RFX3: variants seen among roughly 807,000 people sequenced by gnomAD.
RFX3 encodes regulatory factor X3.
RFX3 carries 14 observed loss-of-function variants against 98.6 expected under a neutral mutation model. That is an observed-to-expected ratio of 0.14 (90% CI 0.09 to 0.22). The LOEUF (loss-of-function observed/expected upper bound fraction) is 0.22. Ranked by LOEUF, RFX3 falls within the 10% of genes least tolerant of loss-of-function variation. The pLI is 1.00. For synonymous variants in RFX3, 383 were observed against 328.4 expected, an observed-to-expected ratio of 1.17 and a Z score of -1.80; for missense variants, 639 against 926.9, an observed-to-expected ratio of 0.69 and a Z score of 4.03.
At chr9:3,483,770 G>A (rs1342728009) in intron 1 of RFX3, among the ~76,000 whole-genome samples, 1 of 152,104 alleles carries the variant, frequency 6.6e-6, no homozygotes, top group Non-Finnish European at 1.5e-5. Context: ...ACGGTTTCTG[G>A]GGTAAACTGC....
At chr9:3,268,969 C>T (rs1456492671) in intron 11 of RFX3, among the ~76,000 whole-genome samples, 1 of 151,910 alleles carries the variant, frequency 6.6e-6, no homozygotes, top group East Asian at 1.9e-4. Flanking sequence ...TTCTTATAAA[C>T]ATCTCTAGAG....
chr9:3,426,847 G>A (rs1844086244), intron 1 of RFX3, among the ~76,000 whole-genome samples: 1 of 152,086 alleles, frequency 6.6e-6, no homozygotes, highest in Non-Finnish European at 1.5e-5. Flanking sequence ...ATATTACAAT[G>A]TAATAATCAT....
At chr9:3,448,252 T>C (rs775409894) in intron 1 of RFX3, among the ~76,000 whole-genome samples, 4 of 152,180 alleles carry the variant, frequency 2.6e-5, no homozygotes, top group Non-Finnish European at 5.9e-5. Flanking sequence ...ACAATCCTTT[T>C]GCCAGAGTCT....
chr9:3,509,756 A>C (rs115118534), intron 1 of RFX3, among the ~76,000 whole-genome samples: 4,142 of 152,058 alleles, frequency 0.027, 205 homozygotes, highest in African/African-American at 0.094. Context: ...ATAGATAAAC[A>C]GTTACTTAAA....
At chr9:3,399,301 G>A (rs1023079155) in intron 1 of RFX3, among the ~76,000 whole-genome samples, 2 of 150,720 alleles carry the variant, frequency 1.3e-5, no homozygotes, top group Admixed American at 1.3e-4. Flanking sequence ...AAAATCAGCT[G>A]GTCATGGTGG....
chr9:3,425,595 G>C (rs1201854306), intron 1 of RFX3, among the ~76,000 whole-genome samples: 1 of 152,154 alleles, frequency 6.6e-6, no homozygotes, highest in African/African-American at 2.4e-5. Context: ...ATAACGATTA[G>C]ATATTTCAGC....
At chr9:3,507,629 C>T (rs1817231632) in intron 1 of RFX3, among the ~76,000 whole-genome samples, 1 of 151,822 alleles carries the variant, frequency 6.6e-6, no homozygotes, top group South Asian at 2.1e-4. Flanking sequence ...GGACCTCCAT[C>T]TTAAAAAAGG....
chr9:3,328,049 A>G (rs1319985166), intron 4 of RFX3, among the ~76,000 whole-genome samples: 1 of 152,162 alleles, frequency 6.6e-6, no homozygotes, highest in Non-Finnish European at 1.5e-5. Context: ...TATCAGAATC[A>G]GCATGAAGGC....
chr9:3,498,135 C>G (rs1371384280), intron 1 of RFX3, among the ~76,000 whole-genome samples: 1 of 151,960 alleles, frequency 6.6e-6, no homozygotes, highest in East Asian at 1.9e-4. Context: ...ATCTCCTTTT[C>G]ACGTCTACAT....
chr9:3,355,550 C>G (rs1174651913), intron 2 of RFX3, among the ~76,000 whole-genome samples: 2 of 151,680 alleles, frequency 1.3e-5, no homozygotes, highest in Non-Finnish European at 3.0e-5. Context: ...AGACATGAAG[C>G]AAAAACTGAT....
chr9:3,468,613 G>A (rs1848514196), intron 1 of RFX3, among the ~76,000 whole-genome samples: 1 of 152,024 alleles, frequency 6.6e-6, no homozygotes, highest in African/African-American at 2.4e-5. Flanking sequence ...TTAAGGAACT[G>A]CAGGAGTTAA....
At chr9:3,346,847 T>C (rs1834489164) in intron 2 of RFX3, 83 bp from the exon 3 acceptor site, 2 of 810,766 alleles carry the variant, frequency 2.5e-6, no homozygotes, top group African/African-American at 3.4e-5. Context: ...CAAAGGTTTA[T>C]CCGGTATTAT....
At chr9:3,251,348 ATTAT>A (rs1243276076) in intron 14 of RFX3, among the ~76,000 whole-genome samples, 1 of 151,952 alleles carries the variant, frequency 6.6e-6, no homozygotes, top group Non-Finnish European at 1.5e-5. Context: ...TAAAAAATTA[ATTAT>A]TTTTTTTTTT....
intron 1 of RFX3, among the ~76,000 whole-genome samples, chr9:3,498,906 C>T (rs1020405326): frequency 3.9e-5 from 6 of 152,028 alleles, no homozygotes; most frequent in East Asian, 3.9e-4. Flanking sequence ...ATAAGGAGTA[C>T]TAATAAACCT....
In RFX3 at chr9:3,225,164, G is replaced by A; in HGVS notation, c.2128C>T (p.Pro710Ser). The change falls in exon 17 of 17, where the codon CCT (proline) becomes TCT (serine). Residue 710 changes from proline to serine, a missense_variant. Physicochemically the swap from Pro to Ser is moderately conservative, Grantham distance 74. This residue lies in a region of RFX3 where 129 missense variants were observed against 124.6 expected (regional missense o/e 1.04). Transcript: ENST00000617270. Reference protein sequence around the residue: ...SQAFPVGCMQPVLETGVQPSL... With the variant: ...SQAFPVGCMQSVLETGVQPSL... ...GGTTGCACGCCAGTCTCGAGAACAG[G>A]CTGCATGCAGCCCACTGGAAATGCC... is the stretch of plus-strand genomic sequence containing the variant. 3 of 1,613,914 alleles carry A rather than the reference G, an allele frequency of 1.9e-6. No homozygotes were observed. Among genetic ancestry groups the A allele is most frequent in the Non-Finnish European group, 2.5e-6 (3 of 1,179,934 alleles).
At chr9:3,408,282 G>A (rs1842138197) in intron 1 of RFX3, among the ~76,000 whole-genome samples, 1 of 152,120 alleles carries the variant, frequency 6.6e-6, no homozygotes, top group Non-Finnish European at 1.5e-5. Flanking sequence ...AGGCTGTATA[G>A]GCCAAAGACA....
intron 5 of RFX3, among the ~76,000 whole-genome samples, chr9:3,300,511 A>T (rs1828523515): frequency 6.6e-6 from 1 of 151,860 alleles, no homozygotes; most frequent in South Asian, 2.1e-4. Flanking sequence ...AAACACAGTT[A>T]AAACATTTTC....
intron 2 of RFX3, among the ~76,000 whole-genome samples, chr9:3,388,098 A>G (rs544799686): frequency 6.6e-6 from 1 of 152,126 alleles, no homozygotes; most frequent in Non-Finnish European, 1.5e-5. Context: ...TATAATTCTA[A>G]TTATCAGGGT....
At chr9:3,301,027 T>C (rs990064626) in intron 5 of RFX3, among the ~76,000 whole-genome samples, 20 of 151,948 alleles carry the variant, frequency 1.3e-4, no homozygotes, top group African/African-American at 4.6e-4. Context: ...TCTTTAGGTC[T>C]TAGGACCTGA....
Sources: allele counts gnomAD v4.1 joint callset (sites outside exome capture counted in the v4.1 genomes callset), GRCh38; gene constraint gnomAD v4.1.1; regional missense constraint gnomAD v4.1.1; transcripts MANE v1.5; gene names NCBI Gene and HGNC (gene_info 2026-07-23, HGNC 2026-07-21).